CATSPERD: variants seen among roughly 807,000 people sequenced by gnomAD.
The protein encoded by CATSPERD is cation channel sperm-associated auxiliary subunit delta.
Under a neutral mutation model 98.1 loss-of-function variants are expected in CATSPERD, and 86 were observed. The observed-to-expected ratio is 0.88, with a 90% CI of 0.74 to 1.05. The LOEUF is 1.05. Ranked by LOEUF, CATSPERD falls within the 50% of genes least tolerant of loss-of-function variation. The pLI, the probability that CATSPERD is intolerant of heterozygous loss-of-function variation, is 0.00. For missense variants in CATSPERD, 995 were observed against 1,005.7 expected (o/e 0.99, Z 0.14); for synonymous variants, 394 against 390.2 (o/e 1.01, Z -0.12).
chr19:5,775,190 A>G (rs1328917563), intron 20 of CATSPERD: 4 of 469,418 alleles, frequency 8.5e-6, no homozygotes, highest in Non-Finnish European at 1.8e-5. Flanking sequence ...CTTCGTTACA[A>G]GACTGAAGGA....
At chr19:5,749,017 A>G (rs1231474880) in intron 10 of CATSPERD, 84 bp from the exon 11 acceptor site, 1 of 1,181,244 alleles carries the variant, frequency 8.5e-7, no homozygotes, top group African/African-American at 1.5e-5. Context: ...GGCGTGAGCC[A>G]CTGCACCCAA....
chr19:5,754,055 TCCTCCTTCCCA>T (rs1265018352), intron 12 of CATSPERD, 66 bp from the exon 13 acceptor site: 2 of 964,160 alleles, frequency 2.1e-6, no homozygotes, highest in Non-Finnish European at 3.3e-6. Context: ...GAGGGTCCCT[TCCTCCTTCCCA>T]CCTCCTTGCC....
chr19:5,734,817 C>T lies in CATSPERD; in HGVS notation c.391+847C>T, dbSNP rs543341113. Reference sequence around the variant, plus strand: ...ACTCTGTCTAAAAAAAAAAAAAAATCGAGGGACATCAGCGGGTCTTGGTGA... The same window carrying T: ...ACTCTGTCTAAAAAAAAAAAAAAATTGAGGGACATCAGCGGGTCTTGGTGA... On this transcript the variant is annotated intron_variant, in intron 5 of 21. Transcript: ENST00000381624. Among the ~76,000 whole-genome samples, 14 of 150,736 alleles carry T rather than the reference C, an allele frequency of 9.3e-5. No homozygotes were observed. The South Asian group carries it at 1.1e-3, about 11-fold the overall frequency.
rs367606018 is a variant in CATSPERD at position 5,763,053 on chromosome 19, GATGA to G, written c.1428-158_1428-155del. 9.6e-3 allele frequency among the ~76,000 whole-genome samples: 1,456 copies of G among 151,030 alleles called. 18 individuals carry two copies. The highest frequency in any genetic ancestry group is 0.033 in the African/African-American group (1,366 of 41,100). On this transcript the variant is annotated intron_variant, in intron 15 of 21. Coordinates refer to ENST00000381624, the MANE Select transcript of CATSPERD (RefSeq NM_152784.4). The stretch of plus-strand genomic sequence containing the variant: ...AGAGAGATGGAAGGGTGGATGGATG[GATGA>G]ATGGATGGATGGGTGGGTGGAATGA...
rs554946029 is a variant in CATSPERD, at chr19:5,753,707, A to T, written c.1165-425A>T. 3.2e-3 allele frequency: 573 copies of T among 179,984 alleles called. 1 individual carries two copies. The highest frequency in any genetic ancestry group is 4.9e-3 in the Non-Finnish European group (417 of 85,484). 11.1% of individuals were successfully genotyped at this position (179,984 alleles called of 1,614,324 possible). On this transcript the variant is annotated intron_variant, in intron 12 of 21. Coordinates refer to ENST00000381624, the MANE Select transcript of CATSPERD (RefSeq NM_152784.4). ...AACATAGTAAGCCCTTGTCTCTATT[A>T]AAAAAAAAAAATTGAATTAGCCGGG... is the stretch of plus-strand genomic sequence containing the variant.
intron 1 of CATSPERD, among the ~76,000 whole-genome samples, chr19:5,721,122 C>T (rs1320842787): frequency 6.6e-6 from 1 of 151,618 alleles, no homozygotes; most frequent in Non-Finnish European, 1.5e-5. Context: ...CCTCAGCCTC[C>T]TGAGTAGCTG....
At chr19:5,720,835 G>A in intron 1 of CATSPERD, 27 bp downstream of exon 1, 1 of 1,585,204 alleles carries the variant, frequency 6.3e-7, no homozygotes, top group Non-Finnish European at 8.5e-7. Context: ...TCCTGGGGCT[G>A]GGGTGCTGCC....
chr19:5,749,451 A>G (rs1343581147), intron 11 of CATSPERD, among the ~76,000 whole-genome samples: 2 of 151,956 alleles, frequency 1.3e-5, no homozygotes, highest in East Asian at 1.9e-4. Context: ...CAACAACAAC[A>G]ACGACAACAG....
intron 3 of CATSPERD, among the ~76,000 whole-genome samples, chr19:5,727,765 G>A (rs540797341): frequency 6.6e-4 from 101 of 152,218 alleles, no homozygotes; most frequent in Non-Finnish European, 9.4e-4. Flanking sequence ...ACGTGAGTTC[G>A]TAAGGGTAGC....
chr19:5,772,136 C>T (rs1328888331), intron 19 of CATSPERD: 1 of 408,596 alleles, frequency 2.4e-6, no homozygotes, highest in Non-Finnish European at 4.8e-6. Context: ...CAGCCTTAAC[C>T]TCCCAGGCTC....
At chr19:5,777,565 A>G (rs1048966206) in intron 21 of CATSPERD, among the ~76,000 whole-genome samples, 3 of 152,212 alleles carry the variant, frequency 2.0e-5, no homozygotes, top group African/African-American at 7.2e-5. Flanking sequence ...GCCAGAGGGC[A>G]TGGAGAGGAT....
chr19:5,763,416 G>C, intron 16 of CATSPERD, 123 bp downstream of exon 16: 1 of 684,692 alleles, frequency 1.5e-6, no homozygotes, highest in Non-Finnish European at 2.5e-6. Context: ...GTGCAAGAGA[G>C]TGAAACTCTG....
chr19:5,766,289 G>GA (rs10645590), intron 17 of CATSPERD, 134 bp downstream of exon 17: 26,183 of 240,496 alleles, frequency 0.11, 286 homozygotes, highest in Middle Eastern at 0.15. Context: ...CGTCTCTACT[G>GA]AAAAAAAAAA....
intron 9 of CATSPERD, 102 bp from the exon 10 acceptor site, chr19:5,748,058 G>A (rs1398292030): frequency 1.2e-6 from 1 of 850,348 alleles, no homozygotes; most frequent in South Asian, 1.4e-5. Flanking sequence ...CCACTGGCCG[G>A]GTGGGTTGGG....
At chr19:5,721,504 A>G (rs1488964041) in intron 1 of CATSPERD, among the ~76,000 whole-genome samples, 1 of 152,182 alleles carries the variant, frequency 6.6e-6, no homozygotes, top group African/African-American at 2.4e-5. Context: ...CCAACCTGCC[A>G]TGGGGACCAG....
rs1235949306 is a variant in CATSPERD at position 5,757,918 on chromosome 19, A to G, written c.1354A>G (p.Thr452Ala). Residue 452 changes from threonine to alanine, a missense_variant, in exon 14 of 22, where the codon ACC (threonine) becomes GCC (alanine). Physicochemically the swap from Thr to Ala is moderately conservative, Grantham distance 58. Around this residue, in one of 3 missense-constraint regions of CATSPERD, gnomAD observed 762 missense variants for 773.7 expected, o/e 0.98. Coordinates refer to ENST00000381624, the MANE Select transcript of CATSPERD (RefSeq NM_152784.4). ...YENGYTSDGN[T>A]KYKLDIFLKQ... ...GAACGGTTACACATCAGATGGGAAC[A>G]CCAAGTACAAACTGGTGAGCCGCGT... The G allele has an allele frequency of 1.2e-6, 2 of 1,612,374 alleles. No homozygotes were observed. The highest frequency in any genetic ancestry group is 2.2e-5 in the East Asian group (1 of 44,666).
At chr19:5,725,931 C>T (rs1390676635) in intron 2 of CATSPERD, among the ~76,000 whole-genome samples, 1 of 152,048 alleles carries the variant, frequency 6.6e-6, no homozygotes, top group Non-Finnish European at 1.5e-5. Flanking sequence ...CATTTTGAAA[C>T]AATCTTCAAG....
intron 15 of CATSPERD, among the ~76,000 whole-genome samples, chr19:5,762,056 A>ATATATG (rs1555725338): frequency 6.9e-5 from 1 of 14,482 alleles, no homozygotes; most frequent in Non-Finnish European, 1.6e-4. Flanking sequence ...ATATATATAT[A>ATATATG]TATTTTTTTT....
chr19:5,773,135 T>C (rs1228332733), intron 20 of CATSPERD, among the ~76,000 whole-genome samples, 170 bp downstream of exon 20: 2 of 152,058 alleles, frequency 1.3e-5, no homozygotes, highest in Non-Finnish European at 2.9e-5. Context: ...AGGTGGATCA[T>C]GAGGTCAGGA....
Sources: allele counts gnomAD v4.1 joint callset (sites outside exome capture counted in the v4.1 genomes callset), GRCh38; gene constraint gnomAD v4.1.1; regional missense constraint gnomAD v4.1.1; transcripts MANE v1.5; gene names NCBI Gene and HGNC (gene_info 2026-07-23, HGNC 2026-07-21).